AMOTL1: variants seen among roughly 807,000 people sequenced by gnomAD.
The protein encoded by AMOTL1 is angiomotin-like protein 1.
Under a neutral mutation model 102.9 loss-of-function variants are expected in AMOTL1, and 45 were observed. That is an observed-to-expected ratio of 0.44 (90% CI 0.34 to 0.56). The LOEUF (loss-of-function observed/expected upper bound fraction) is 0.56, where lower values mean the gene tolerates loss of function less well. Among genes scored for constraint, AMOTL1 ranks in the 20% least tolerant of loss-of-function variants. The probability of loss-of-function intolerance (pLI) is 0.01; values close to 1 mark genes in which losing one functional copy is unlikely to be tolerated. For missense variants in AMOTL1, 1,114 were observed against 1,225.6 expected (o/e 0.91, Z 1.36); for synonymous variants, 481 against 484.7 (o/e 0.99, Z 0.10).
rs777229382 is a variant in AMOTL1 at position 94,799,876 on chromosome 11, G to C, written c.686G>C (p.Arg229Pro). The C allele has an allele frequency of 4.4e-6, 7 of 1,594,860 alleles. No homozygotes were observed. In the Admixed American group the frequency reaches 1.2e-4, roughly 27 times the overall value. Residue 229 changes from arginine to proline, a missense_variant, in exon 3 of 13, where the codon CGA becomes CCA. Transcript: ENST00000433060. The surrounding 1 kb of genome is among the most constrained non-coding windows in gnomAD (Gnocchi z 4.5). ...GCAGGGGGCACCAGTCAGAAGTCCCGAACTGAGGGGAGGCCCACTGTGAAC... is the reference window on the plus strand; with the variant it reads ...GCAGGGGGCACCAGTCAGAAGTCCCCAACTGAGGGGAGGCCCACTGTGAAC... Reference protein sequence around the residue: ...YMAGGTSQKSRTEGRPTVNRA... With the variant: ...YMAGGTSQKSPTEGRPTVNRA...
rs368926757 is a variant in AMOTL1, at chr11:94,719,037, T to C, written c.-50-9884T>C. Among the ~76,000 whole-genome samples the C allele has an allele frequency of 3.3e-5, 5 of 152,130 alleles. No individual in the cohort carries two copies. In the East Asian group the frequency reaches 9.7e-4, roughly 29 times the overall value. ...TTAATTCATCTTTAATTAATTTTTA[T>C]ATGCTGTGAATAGGAATCCACTTAA... On this transcript the variant is annotated intron_variant, in intron 1 of 4. Transcript: ENST00000299004.
At chr11:94,771,266 G>GT (rs1555067579) in intron 1 of AMOTL1, among the ~76,000 whole-genome samples, 1 of 144,422 alleles carries the variant, frequency 6.9e-6, no homozygotes, top group African/African-American at 2.5e-5. Flanking sequence ...GGTTGGGGGG[G>GT]GGGTGCGGTG....
intron 2 of AMOTL1, among the ~76,000 whole-genome samples, chr11:94,731,762 A>G (rs1202649093): frequency 6.6e-6 from 1 of 152,176 alleles, no homozygotes; most frequent in Non-Finnish European, 1.5e-5. Flanking sequence ...CAGAGCTGGA[A>G]TTTAAACTGA....
intron 1 of AMOTL1, among the ~76,000 whole-genome samples, chr11:94,713,979 A>G (rs1950056858): frequency 2.0e-5 from 3 of 152,018 alleles, no homozygotes; most frequent in Non-Finnish European, 2.9e-5. Context: ...CTCAAAGGAA[A>G]AGCATTCAGT....
rs537692264 is a variant in AMOTL1, at chr11:94,866,704, C to T, written c.2488+536C>T. 26 of 155,266 alleles carry T rather than the reference C, an allele frequency of 1.7e-4. No homozygotes were observed. The East Asian group carries it at 2.0e-3, about 12-fold the overall frequency. 9.6% of individuals were successfully genotyped at this position (155,266 alleles called of 1,614,324 possible). A position where few individuals can be genotyped will look rare whatever the true frequency, so the allele number is the denominator to read the frequency against. ...TGTCTGCCTGCTTTACCCCATGGGGCGTGGGAGGGAAGAATGGGATAATGG... is the reference window on the plus strand; with the variant it reads ...TGTCTGCCTGCTTTACCCCATGGGGTGTGGGAGGGAAGAATGGGATAATGG... On this transcript the variant is annotated intron_variant, in intron 11 of 12. Transcript: ENST00000433060.
chr11:94,770,667 T>C (rs1277543519), intron 1 of AMOTL1, among the ~76,000 whole-genome samples: 1 of 152,220 alleles, frequency 6.6e-6, no homozygotes, highest in African/African-American at 2.4e-5. Context: ...ATGGAGGATG[T>C]AGCATACTAA....
rs148338860 is a variant in AMOTL1 at position 94,793,867 on chromosome 11, C to A, written c.50-1144C>A. Among the ~76,000 whole-genome samples, 37 of 152,294 alleles carry A rather than the reference C, an allele frequency of 2.4e-4. No individual in the cohort carries two copies. In the East Asian group the frequency reaches 6.9e-3, roughly 29 times the overall value. ...ATTTTTAATTTATAAGAAAAAAATT[C>A]TTGTCAGAATCCTTTCTCTTTCTAG... On this transcript the variant is annotated intron_variant, in intron 1 of 12. Transcript: ENST00000433060.
intron 3 of AMOTL1, among the ~76,000 whole-genome samples, chr11:94,809,122 C>A (rs1486849773): frequency 6.6e-6 from 1 of 151,896 alleles, no homozygotes; most frequent in Admixed American, 6.6e-5. Context: ...AGGTGCATGC[C>A]ACCACACCTG....
intron 6 of AMOTL1, among the ~76,000 whole-genome samples, chr11:94,842,236 A>C (rs1378490203): frequency 1.3e-5 from 2 of 152,222 alleles, no homozygotes; most frequent in East Asian, 3.8e-4. Context: ...GTTATCTTAG[A>C]TCTTTAGAGT....
intron 11 of AMOTL1, among the ~76,000 whole-genome samples, chr11:94,867,751 A>G (rs182982184): frequency 3.7e-4 from 57 of 152,290 alleles, no homozygotes; most frequent in African/African-American, 1.3e-3. Flanking sequence ...CCCAGGAGCT[A>G]TGGCTGGCTA....
chr11:94,851,706 C>T (rs1340734666), intron 7 of AMOTL1, among the ~76,000 whole-genome samples: 1 of 152,322 alleles, frequency 6.6e-6, no homozygotes, highest in East Asian at 1.9e-4. Flanking sequence ...AGGACTTTAC[C>T]TCCTCTTCCT....
chr11:94,732,198 C>T (rs1335562459), intron 2 of AMOTL1, among the ~76,000 whole-genome samples: 1 of 152,176 alleles, frequency 6.6e-6, no homozygotes, highest in Non-Finnish European at 1.5e-5. Flanking sequence ...AGTGTCCAAA[C>T]CTTGGGGTTT....
At chr11:94,840,653 C>CTT (rs1952277311) in intron 6 of AMOTL1, among the ~76,000 whole-genome samples, 1 of 87,310 alleles carries the variant, frequency 1.1e-5, no homozygotes, top group African/African-American at 6.6e-5. Flanking sequence ...ACTTAAAAAA[C>CTT]GTATATATAT....
chr11:94,726,395 A>G (rs986933845), intron 1 of AMOTL1, among the ~76,000 whole-genome samples: 1 of 152,180 alleles, frequency 6.6e-6, no homozygotes, highest in Non-Finnish European at 1.5e-5. Flanking sequence ...TGAAGTGCCA[A>G]TTATGTATTC....
At chr11:94,807,310 A>G (rs1250444932) in intron 3 of AMOTL1, among the ~76,000 whole-genome samples, 1 of 152,196 alleles carries the variant, frequency 6.6e-6, no homozygotes, top group East Asian at 1.9e-4. Context: ...TTATTGAGTC[A>G]ACAGAATTCA....
At position 94,838,829 on chromosome 11, in the gene AMOTL1, G is replaced by A. The variant is rs186801712; in HGVS notation, c.1648+7288G>A. On this transcript the variant is annotated intron_variant, in intron 6 of 12. Coordinates refer to ENST00000433060, the MANE Select transcript of AMOTL1 (RefSeq NM_130847.3). ...AAACAGAAAACTGAGACATAGAAAT[G>A]CAGTAAAAAATTTTAGTTTCCCAGT... 1.1e-3 allele frequency among the ~76,000 whole-genome samples: 165 copies of A among 152,294 alleles called. 1 individual carries two copies. Among genetic ancestry groups the A allele is most frequent in the African/African-American group, 3.8e-3 (157 of 41,554 alleles).
rs561399231 is a variant in AMOTL1, at chr11:94,814,520, GA to G, written c.1122-7008del. 6.6e-5 allele frequency among the ~76,000 whole-genome samples: 10 copies of G among 152,338 alleles called. No individual in the cohort carries two copies. The South Asian group carries it at 1.9e-3, about 28-fold the overall frequency. On this transcript the variant is annotated intron_variant, in intron 3 of 12. Coordinates refer to ENST00000433060, the MANE Select transcript of AMOTL1 (RefSeq NM_130847.3). ...ATCTGAGCTTAGTGTAAACGAGGGA[GA>G]AGGAGTGTCAGAAGGGAACAGGACA...
intron 1 of AMOTL1, among the ~76,000 whole-genome samples, chr11:94,771,217 C>T (rs537435974): frequency 9.2e-4 from 128 of 139,710 alleles, no homozygotes; most frequent in South Asian, 7.6e-3. Flanking sequence ...ATAAAATTCC[C>T]CCAAAGTAAC....
rs1950509609 is a variant in AMOTL1, at chr11:94,740,756, G to A, written c.86-182G>A. On this transcript the variant is annotated intron_variant, in intron 2 of 4. Transcript: ENST00000299004. Reference sequence around the variant, plus strand: ...GAGTTGTCCCCCAAGTTTCTGCGGCGATTTGTCACTCCCTGGGGATCTGGC... The same window carrying A: ...GAGTTGTCCCCCAAGTTTCTGCGGCAATTTGTCACTCCCTGGGGATCTGGC... 1.3e-5 allele frequency among the ~76,000 whole-genome samples: 2 copies of A among 152,100 alleles called. 1 individual carries two copies. The highest frequency in any genetic ancestry group is 4.1e-4 in the South Asian group (2 of 4,824).
Sources: allele counts gnomAD v4.1 joint callset (sites outside exome capture counted in the v4.1 genomes callset), GRCh38; gene constraint gnomAD v4.1.1; non-coding constraint Gnocchi (gnomAD v3.1); transcripts MANE v1.5; gene names NCBI Gene and HGNC (gene_info 2026-07-23, HGNC 2026-07-21).